CDH8: variants seen among roughly 807,000 people sequenced by gnomAD.
CDH8 encodes cadherin-8.
A neutral mutation model predicts 68.1 loss-of-function variants in CDH8; 17 were observed. The observed-to-expected ratio is 0.25, with a 90% CI of 0.17 to 0.37. The LOEUF (loss-of-function observed/expected upper bound fraction) is 0.37, where lower values mean the gene tolerates loss of function less well. Ranked by LOEUF, CDH8 falls within the 10% of genes least tolerant of loss-of-function variation. CDH8 has a pLI of 1.00. For synonymous variants in CDH8, 372 were observed against 365.1 expected, an observed-to-expected ratio of 1.02 and a Z score of -0.21; for missense variants, 763 against 999.3, an observed-to-expected ratio of 0.76 and a Z score of 3.19.
intron 10 of CDH8, among the ~76,000 whole-genome samples, chr16:61,669,114 G>A (rs1483368270): frequency 6.6e-6 from 1 of 151,920 alleles, no homozygotes; most frequent in Admixed American, 6.6e-5. Context: ...TAATCATTTT[G>A]TTGAATCTCG....
chr16:61,914,305 T>C (rs913730279), intron 2 of CDH8, among the ~76,000 whole-genome samples: 2 of 152,202 alleles, frequency 1.3e-5, no homozygotes, highest in South Asian at 2.1e-4. Flanking sequence ...TCCTAAAGCA[T>C]ACTAATTATC....
At chr16:61,856,220 G>C (rs1963044231) in intron 4 of CDH8, among the ~76,000 whole-genome samples, 1 of 151,958 alleles carries the variant, frequency 6.6e-6, no homozygotes, top group South Asian at 2.1e-4. Flanking sequence ...CCTGTACATT[G>C]AATTTTTCTA....
At chr16:61,704,631 G>A (rs562713511) in intron 10 of CDH8, among the ~76,000 whole-genome samples, 151 of 152,242 alleles carry the variant, frequency 9.9e-4, no homozygotes, top group African/African-American at 3.5e-3. Context: ...ATTCATCACA[G>A]TGCTTTTGTT....
intron 8 of CDH8, among the ~76,000 whole-genome samples, chr16:61,774,538 A>C (rs939684565): frequency 1.6e-4 from 25 of 152,004 alleles, no homozygotes; most frequent in African/African-American, 6.0e-4. Flanking sequence ...TTTTTAACAA[A>C]CAGCTGTCTA....
intron 10 of CDH8, among the ~76,000 whole-genome samples, chr16:61,701,340 A>G (rs896209993): frequency 6.6e-6 from 1 of 152,216 alleles, no homozygotes; most frequent in African/African-American, 2.4e-5. Flanking sequence ...TTCATATCAT[A>G]TTATTAAAAA....
chr16:61,960,696 C>T (rs951469903), intron 2 of CDH8, among the ~76,000 whole-genome samples: 1 of 151,960 alleles, frequency 6.6e-6, no homozygotes, highest in Non-Finnish European at 1.5e-5. Context: ...TACCTGTTGC[C>T]CTCCTTCCTC....
chr16:61,679,519 T>G (rs1309980010), intron 10 of CDH8, among the ~76,000 whole-genome samples: 1 of 151,996 alleles, frequency 6.6e-6, no homozygotes, highest in Non-Finnish European at 1.5e-5. Flanking sequence ...CCCGTAATAA[T>G]GAACTGAAAA....
At chr16:61,836,300 AGTT>A (rs910276936) in intron 4 of CDH8, among the ~76,000 whole-genome samples, 1 of 151,944 alleles carries the variant, frequency 6.6e-6, no homozygotes, top group Non-Finnish European at 1.5e-5. Context: ...CTTCACTTCC[AGTT>A]GTTGTAAATA....
chr16:61,653,558 C>G lies in CDH8; in HGVS notation c.*50G>C. 6.4e-7 allele frequency: 1 copy of G among 1,550,750 alleles called. No individual in the cohort carries two copies. The highest frequency in any genetic ancestry group is 8.7e-7 in the Non-Finnish European group (1 of 1,151,364). Reference sequence around the variant, plus strand: ...TTGGTTGTATCTAAGGGGAGTGACCCTAGAATATTACAGAATGCTCAGTTC... The same window carrying G: ...TTGGTTGTATCTAAGGGGAGTGACCGTAGAATATTACAGAATGCTCAGTTC... On this transcript the variant is annotated 3_prime_UTR_variant, in exon 12 of 12. Transcript: ENST00000577390.
chr16:61,705,259 G>A (rs2142855851), intron 10 of CDH8, among the ~76,000 whole-genome samples: 1 of 152,260 alleles, frequency 6.6e-6, no homozygotes, highest in East Asian at 1.9e-4. Flanking sequence ...GTTTCCAGGA[G>A]GCTTCAGTAA....
At chr16:61,755,126 G>T (rs1394751451) in intron 8 of CDH8, among the ~76,000 whole-genome samples, 1 of 152,162 alleles carries the variant, frequency 6.6e-6, no homozygotes, top group Admixed American at 6.5e-5. Flanking sequence ...GTGAAAAGAA[G>T]TTTCATGGTT....
chr16:61,675,579 C>A (rs1963887545), intron 10 of CDH8, among the ~76,000 whole-genome samples: 1 of 142,638 alleles, frequency 7.0e-6, no homozygotes. Flanking sequence ...TGCACATGTA[C>A]CCTAAAACTT....
intron 2 of CDH8, among the ~76,000 whole-genome samples, chr16:61,953,579 A>C (rs1382217983): frequency 6.6e-6 from 1 of 151,128 alleles, no homozygotes; most frequent in Non-Finnish European, 1.5e-5. Context: ...AAAAAAAAAG[A>C]CACTGGAGCC....
intron 4 of CDH8, among the ~76,000 whole-genome samples, chr16:61,832,331 A>AAAGATAG (rs1555513533): frequency 2.1e-5 from 3 of 143,082 alleles, no homozygotes; most frequent in Admixed American, 7.1e-5. Flanking sequence ...ACAGATAGAT[A>AAAGATAG]ATAGATAGAT....
At chr16:61,704,000 T>A (rs1274442502) in intron 10 of CDH8, among the ~76,000 whole-genome samples, 1 of 152,148 alleles carries the variant, frequency 6.6e-6, no homozygotes, top group South Asian at 2.1e-4. Context: ...AAAAACCATC[T>A]CATTAATTTC....
At chr16:61,742,781 A>G (rs1391325287) in intron 8 of CDH8, among the ~76,000 whole-genome samples, 1 of 152,114 alleles carries the variant, frequency 6.6e-6, no homozygotes, top group African/African-American at 2.4e-5. Flanking sequence ...TAAAATTCTC[A>G]TCAGGTTTTA....
intron 8 of CDH8, among the ~76,000 whole-genome samples, chr16:61,766,536 C>A (rs557123777): frequency 6.5e-4 from 99 of 151,974 alleles, no homozygotes; most frequent in African/African-American, 2.3e-3. Flanking sequence ...AATGGTAGAT[C>A]TACTTTAATT....
At chr16:61,714,125 C>A in intron 9 of CDH8, 167 bp from the exon 10 acceptor site, 1 of 613,768 alleles carries the variant, frequency 1.6e-6, no homozygotes, top group South Asian at 1.9e-5. Context: ...GGAGAAAAAT[C>A]CATTACTTTA....
intron 4 of CDH8, among the ~76,000 whole-genome samples, chr16:61,827,426 A>T (rs1347070223): frequency 6.6e-6 from 1 of 151,900 alleles, no homozygotes; most frequent in Non-Finnish European, 1.5e-5. Context: ...TTCTCAGGTT[A>T]CTTGCGTGAA....
Sources: gnomAD v4.1 joint callset for allele counts (sites outside exome capture counted in the v4.1 genomes callset) on GRCh38, gnomAD v4.1.1 for gene constraint, MANE v1.5 for transcripts, NCBI Gene and HGNC (gene_info 2026-07-23, HGNC 2026-07-21) for gene names.